CDH8: variants seen among roughly 807,000 people sequenced by gnomAD.
CDH8 encodes cadherin 8, also known as cadherin-8.
CDH8 carries 17 observed loss-of-function variants against 68.1 expected under a neutral mutation model. That is an observed-to-expected ratio of 0.25 (90% CI 0.17 to 0.37). The LOEUF is 0.37. Ranked by LOEUF, CDH8 falls within the 10% of genes least tolerant of loss-of-function variation. The probability of loss-of-function intolerance (pLI) is 1.00; values close to 1 mark genes in which losing one functional copy is unlikely to be tolerated. For missense variants in CDH8, 763 were observed against 999.3 expected, an observed-to-expected ratio of 0.76 and a Z score of 3.19; for synonymous variants, 372 against 365.1, an observed-to-expected ratio of 1.02 and a Z score of -0.21.
At chr16:61,927,105 A>G (rs12597062) in intron 2 of CDH8, among the ~76,000 whole-genome samples, 22,348 of 152,126 alleles carry the variant, frequency 0.15, 2,416 homozygotes, top group East Asian at 0.29. Context: ...AGTAGAAAGA[A>G]TATGGGTTTT....
At chr16:61,957,229 A>G (rs1227810306) in intron 2 of CDH8, among the ~76,000 whole-genome samples, 1 of 152,142 alleles carries the variant, frequency 6.6e-6, no homozygotes, top group Non-Finnish European at 1.5e-5. Context: ...ACACCTTGAA[A>G]GGTTCTAGCT....
intron 8 of CDH8, among the ~76,000 whole-genome samples, chr16:61,775,660 TAAG>T (rs1960882641): frequency 6.6e-6 from 1 of 152,054 alleles, no homozygotes; most frequent in Non-Finnish European, 1.5e-5. Flanking sequence ...ATTAAAAAGC[TAAG>T]CTAGCCTGCT....
chr16:61,774,557 T>C (rs1960860225), intron 8 of CDH8, among the ~76,000 whole-genome samples: 1 of 151,984 alleles, frequency 6.6e-6, no homozygotes, highest in African/African-American at 2.4e-5. Context: ...TAGGGTATAT[T>C]TAAAAAAAGA....
At chr16:61,831,933 T>C (rs1441789295) in intron 4 of CDH8, among the ~76,000 whole-genome samples, 1 of 151,848 alleles carries the variant, frequency 6.6e-6, no homozygotes, top group Non-Finnish European at 1.5e-5. Flanking sequence ...TGTACAATTA[T>C]CATTTTATTA....
At chr16:61,702,469 A>G (rs781553576) in intron 10 of CDH8, among the ~76,000 whole-genome samples, 2 of 152,212 alleles carry the variant, frequency 1.3e-5, no homozygotes, top group Admixed American at 6.5e-5. Context: ...AAGACTTGTG[A>G]AGGTCAGATA....
At chr16:61,754,172 G>T (rs1251333860) in intron 8 of CDH8, among the ~76,000 whole-genome samples, 1 of 151,950 alleles carries the variant, frequency 6.6e-6, no homozygotes. Context: ...TATCGACAAG[G>T]ATTTTGATAA....
chr16:62,030,661 C>T (rs1283706344), intron 1 of CDH8, among the ~76,000 whole-genome samples: 2 of 151,954 alleles, frequency 1.3e-5, no homozygotes, highest in Non-Finnish European at 2.9e-5. Context: ...GAGAAAAAGA[C>T]ATGGAAAATA....
intron 2 of CDH8, among the ~76,000 whole-genome samples, chr16:61,963,766 T>C (rs1181454499): frequency 6.6e-6 from 1 of 152,214 alleles, no homozygotes; most frequent in Non-Finnish European, 1.5e-5. Flanking sequence ...TGTTAATTGA[T>C]TGATGGTAGT....
At chr16:61,818,626 G>A (rs934679129) in intron 6 of CDH8, among the ~76,000 whole-genome samples, 2 of 152,086 alleles carry the variant, frequency 1.3e-5, no homozygotes, top group African/African-American at 2.4e-5. Context: ...AAAAGAATTC[G>A]CCTTCAATAA....
intron 2 of CDH8, among the ~76,000 whole-genome samples, chr16:62,002,774 C>T (rs1965912235): frequency 6.6e-6 from 1 of 152,150 alleles, no homozygotes; most frequent in Admixed American, 6.5e-5. Context: ...ACAAATTTGG[C>T]CGGGTGCGGT....
intron 2 of CDH8, among the ~76,000 whole-genome samples, chr16:61,936,149 A>G (rs1422768627): frequency 6.6e-6 from 1 of 152,190 alleles, no homozygotes; most frequent in Non-Finnish European, 1.5e-5. Flanking sequence ...AATTTAAAGC[A>G]TATCTGTCAT....
chr16:61,808,647 T>G (rs1222884086), intron 7 of CDH8, among the ~76,000 whole-genome samples: 1 of 152,182 alleles, frequency 6.6e-6, no homozygotes, highest in Non-Finnish European at 1.5e-5. Flanking sequence ...CTACTAACAT[T>G]CTTTAAATTA....
chr16:62,007,563 G>A (rs1330167361), intron 2 of CDH8, among the ~76,000 whole-genome samples: 2 of 151,592 alleles, frequency 1.3e-5, no homozygotes, highest in African/African-American at 4.8e-5. Flanking sequence ...CAAACGTCAT[G>A]TGTTAGAATC....
At chr16:62,026,422 G>A (rs1476580036) in intron 1 of CDH8, among the ~76,000 whole-genome samples, 2 of 152,178 alleles carry the variant, frequency 1.3e-5, no homozygotes, top group Non-Finnish European at 2.9e-5. Flanking sequence ...TGCGAAGCAA[G>A]TAGTTCTACA....
chr16:61,779,076 A>G (rs1960973095), intron 8 of CDH8, among the ~76,000 whole-genome samples: 1 of 152,170 alleles, frequency 6.6e-6, no homozygotes, highest in Non-Finnish European at 1.5e-5. Context: ...GGGCAATTAT[A>G]TGCTTCCTGC....
chr16:62,033,649 GTTTCAGAGCACA>G, intron 1 of CDH8, among the ~76,000 whole-genome samples: 1 of 152,306 alleles, frequency 6.6e-6, no homozygotes, highest in African/African-American at 2.4e-5. Context: ...TACAGCACAA[GTTTCAGAGCACA>G]TTAGCCAGTG....
intron 8 of CDH8, among the ~76,000 whole-genome samples, chr16:61,777,728 G>A (rs541525318): frequency 6.6e-6 from 1 of 152,214 alleles, no homozygotes; most frequent in Non-Finnish European, 1.5e-5. Flanking sequence ...TGCAGGGGTA[G>A]CCAGAGAGTC....
intron 7 of CDH8, among the ~76,000 whole-genome samples, chr16:61,800,385 T>G (rs1961594424): frequency 6.6e-6 from 1 of 152,218 alleles, no homozygotes; most frequent in African/African-American, 2.4e-5. Flanking sequence ...GCCAGAAATG[T>G]GTCCTCTTTT....
At chr16:61,821,803 C>T (rs1227348885) in intron 5 of CDH8, among the ~76,000 whole-genome samples, 3 of 151,984 alleles carry the variant, frequency 2.0e-5, no homozygotes, top group Admixed American at 6.6e-5. Flanking sequence ...TCCATTTTAA[C>T]TCAAGTCACT....
Sources: gnomAD v4.1 joint callset for allele counts (sites outside exome capture counted in the v4.1 genomes callset) on GRCh38, gnomAD v4.1.1 for gene constraint, MANE v1.5 for transcripts, NCBI Gene and HGNC (gene_info 2026-07-23, HGNC 2026-07-21) for gene names.